DNAH10: variants seen among roughly 807,000 people sequenced by gnomAD.
The protein encoded by DNAH10 is axonemal beta dynein heavy chain 10.
Under a neutral mutation model 506.6 loss-of-function variants are expected in DNAH10, and 348 were observed. The ratio of observed to expected loss-of-function variants is 0.69; its 90% CI spans 0.63 to 0.75. The LOEUF is 0.75. Ranked by LOEUF, DNAH10 falls within the 30% of genes least tolerant of loss-of-function variation. The pLI, the probability that DNAH10 is intolerant of heterozygous loss-of-function variation, is 0.00. For synonymous variants in DNAH10, 2,059 were observed against 2,198.6 expected (o/e 0.94, Z 1.78); for missense variants, 5,179 against 5,787.1 (o/e 0.89, Z 3.41).
rs1181563167 is a variant in DNAH10 at position 123,909,031 on chromosome 12, C to T, written c.9816-230C>T. Among the ~76,000 whole-genome samples the T allele has an allele frequency of 2.0e-5, 3 of 152,212 alleles. No homozygotes were observed. The highest frequency in any genetic ancestry group is 2.0e-4 in the Admixed American group (3 of 15,284). ...GGTTTGTATTTTAATGCTGCCCCCGCACCATTCCAGGCGCCTGGTCTGGAA... is the reference window on the plus strand; with the variant it reads ...GGTTTGTATTTTAATGCTGCCCCCGTACCATTCCAGGCGCCTGGTCTGGAA... On this transcript the variant is annotated intron_variant, in intron 57 of 78. Coordinates refer to ENST00000673944, the MANE Select transcript of DNAH10 (RefSeq NM_001372106.1). This position sits in a 1 kb window ranked among gnomAD's most constrained non-coding sequence, Gnocchi z 5.4.
intron 30 of DNAH10, among the ~76,000 whole-genome samples, chr12:123,844,351 T>C (rs1594172615): frequency 6.6e-6 from 1 of 152,192 alleles, no homozygotes; most frequent in South Asian, 2.1e-4. Context: ...ATCAGGCATT[T>C]ACAGCTCTGA....
At chr12:123,805,547 G>T (rs1193043676) in intron 18 of DNAH10, among the ~76,000 whole-genome samples, 1 of 152,142 alleles carries the variant, frequency 6.6e-6, no homozygotes, top group African/African-American at 2.4e-5. Flanking sequence ...TGAGTGCCTG[G>T]ACCCCATCGC....
rs1951982908 is a variant in DNAH10 at position 123,870,440 on chromosome 12, C to CATTTA, written c.7594_7595insATTTA (p.Pro2532HisfsTer61). 1 of 1,613,614 alleles carries CATTTA rather than the reference C, an allele frequency of 6.2e-7. No individual in the cohort carries two copies. Among genetic ancestry groups the CATTTA allele is most frequent in the Non-Finnish European group, 8.5e-7 (1 of 1,179,844 alleles). On this transcript the variant is annotated frameshift_variant, in exon 44 of 79. Coordinates refer to ENST00000673944, the MANE Select transcript of DNAH10 (RefSeq NM_001372106.1). LOFTEE classifies it high-confidence loss of function. Reference sequence around the variant, plus strand: ...ATGGGTCCCATGGAGTAAATTAGTTCCAGAGTATATTCATGCCCCCGAGAG... The same window carrying CATTTA: ...ATGGGTCCCATGGAGTAAATTAGTTCATTTACAGAGTATATTCATGCCCCCGAGAG...
At chr12:123,822,888 A>C (rs184995378) in intron 24 of DNAH10, among the ~76,000 whole-genome samples, 9 of 152,312 alleles carry the variant, frequency 5.9e-5, no homozygotes, top group African/African-American at 2.2e-4. Context: ...GAGGCCATCC[A>C]TGTTGGGGAG....
intron 39 of DNAH10, 77 bp downstream of exon 39, chr12:123,861,247 C>G (rs1215876947): frequency 1.3e-6 from 2 of 1,518,478 alleles, no homozygotes; most frequent in African/African-American, 2.8e-5. Context: ...GGTGGCAGGA[C>G]TATACATTGT....
At chr12:123,859,049 C>G (rs931225719) in intron 37 of DNAH10, 101 bp from the exon 38 acceptor site, 1 of 1,105,016 alleles carries the variant, frequency 9.0e-7, no homozygotes, top group African/African-American at 1.6e-5. Context: ...TGACTTGTAC[C>G]CTTTCAAAGG....
In DNAH10 at chr12:123,850,093, A is replaced by G. The variant is rs1277614193; in HGVS notation, c.6103-795A>G. Among the ~76,000 whole-genome samples the G allele has an allele frequency of 6.6e-6, 1 of 151,870 alleles. No individual in the cohort carries two copies. Among genetic ancestry groups the G allele is most frequent in the Non-Finnish European group, 1.5e-5 (1 of 67,948 alleles). On this transcript the variant is annotated intron_variant, in intron 34 of 78. Transcript: ENST00000673944. This position sits in a 1 kb window ranked among gnomAD's most constrained non-coding sequence, Gnocchi z 5.5. The stretch of plus-strand genomic sequence containing the variant: ...CTAGGGATGGTCTCAGGGCCGACCT[A>G]TGAGTCAAGGCAGTGGCCTTGTTTT...
intron 33 of DNAH10, 150 bp downstream of exon 33, chr12:123,848,245 G>A (rs1450201302): frequency 2.4e-6 from 3 of 1,232,810 alleles, no homozygotes; most frequent in Non-Finnish European, 3.4e-6. Flanking sequence ...ACCTAAGTGT[G>A]TCTGCTTAAA....
rs762069342 is a variant in DNAH10 at position 123,835,473 on chromosome 12, C to T, written c.4847C>T (p.Ser1616Leu). The T allele has an allele frequency of 2.5e-6, 4 of 1,608,738 alleles. No homozygotes were observed. The highest frequency in any genetic ancestry group is 1.1e-5 in the South Asian group (1 of 89,854). ...ATTTTTATTGGTGGAGATATAAGAT[C>T]ACAACTTCCGGAAGAGGCAAAAAAG... Reference protein sequence around the residue: ...ESIFIGGDIRSQLPEEAKKFD... With the variant: ...ESIFIGGDIRLQLPEEAKKFD... Residue 1616 changes from serine (S) to leucine (L), a missense_variant, in exon 28 of 79, where the codon TCA becomes TTA. By Grantham distance (145) the Ser-to-Leu change is moderately radical (BLOSUM62 -2). Transcript: ENST00000673944.
intron 9 of DNAH10, among the ~76,000 whole-genome samples, chr12:123,786,812 CAG>C (rs1231113306): frequency 6.6e-6 from 1 of 152,064 alleles, no homozygotes; most frequent in East Asian, 1.9e-4. Context: ...CTAAGGGAGA[CAG>C]ATAACTTTTT....
intron 48 of DNAH10, among the ~76,000 whole-genome samples, chr12:123,878,526 T>A (rs1409750737): frequency 1.5e-4 from 23 of 152,176 alleles, no homozygotes; most frequent in Admixed American, 1.5e-3. Context: ...TCCAGGTGTT[T>A]CAGGTGGAGT....
At position 123,925,272 on chromosome 12, in the gene DNAH10, G is replaced by T. The variant is rs1039975201; in HGVS notation, c.11921+68G>T. The T allele has an allele frequency of 6.2e-7, 1 of 1,602,894 alleles. No individual in the cohort carries two copies. The highest frequency in any genetic ancestry group is 8.5e-7 in the Non-Finnish European group (1 of 1,172,284). ...GAATCTCTAGCGTCCTCCCACCTTG[G>T]ACTCAAAGAAAGCAGAGGCTGACCA... On this transcript the variant is annotated intron_variant, in intron 68 of 78. Coordinates refer to ENST00000673944, the MANE Select transcript of DNAH10 (RefSeq NM_001372106.1). The surrounding 1 kb of genome is among the most constrained non-coding windows in gnomAD (Gnocchi z 4.0).
In DNAH10 at chr12:123,845,975, CT is replaced by C; in HGVS notation, c.5636del (p.Leu1879ArgfsTer23). 6.2e-7 allele frequency: 1 copy of C among 1,613,950 alleles called. No homozygotes were observed. Among genetic ancestry groups the C allele is most frequent in the Non-Finnish European group, 8.5e-7 (1 of 1,179,868 alleles). On this transcript the variant is annotated frameshift_variant, in exon 32 of 79. Coordinates refer to ENST00000673944, the MANE Select transcript of DNAH10 (RefSeq NM_001372106.1). LOFTEE classifies it high-confidence loss of function. ...TCCACCTTTCTTGCCGTCCAGTATC[CT>C]GGAGGCCCGAGAGTTTGACTGGGAA... is the stretch of plus-strand genomic sequence containing the variant. ...IVDSFIRGSILEAREFDWESQ... is the reference protein window; with the variant it reads ...IVDSFIRGSIXEAREFDWESQ...
chr12:123,802,747 TA>T (rs1317337504), intron 16 of DNAH10, among the ~76,000 whole-genome samples: 158 of 145,808 alleles, frequency 1.1e-3, no homozygotes, highest in African/African-American at 4.0e-3. Flanking sequence ...TTTTTTTTTT[TA>T]ATTTTGGCCA....
rs1252170577 is a variant in DNAH10, at chr12:123,833,205, G to A, written c.4637G>A (p.Gly1546Asp). Residue 1546 changes from glycine to aspartate, a missense_variant, in exon 27 of 79, where the codon GGT (glycine) becomes GAT (aspartate). This residue lies in a region of DNAH10 where 4,844 missense variants were observed against 5,430.5 expected (regional missense o/e 0.89). Coordinates refer to ENST00000673944, the MANE Select transcript of DNAH10 (RefSeq NM_001372106.1). ...ACACAGGAGCGAGGCTACATCCTGGGTTCTGTTGACGAAATTATTCAGTCT... is the reference window on the plus strand; with the variant it reads ...ACACAGGAGCGAGGCTACATCCTGGATTCTGTTGACGAAATTATTCAGTCT... ...KGTQERGYIL[G>D]SVDEIIQSLD... is the part of the protein sequence containing the mutation. 1.2e-6 allele frequency: 2 copies of A among 1,613,898 alleles called. No homozygotes were observed. The highest frequency in any genetic ancestry group is 2.2e-5 in the South Asian group (2 of 91,018).
At chr12:123,779,857 A>T (rs2136013109) in intron 5 of DNAH10, among the ~76,000 whole-genome samples, 1 of 152,304 alleles carries the variant, frequency 6.6e-6, no homozygotes, top group South Asian at 2.1e-4. Context: ...ATGTATCAAA[A>T]TTTTAAGAAA....
chr12:123,934,659 TG>T lies in DNAH10; in HGVS notation c.13519del (p.Asp4507IlefsTer2). The part of the protein sequence containing the change: ...VSGLYLEGAD[W>X]DIEKGCLIKS... Reference sequence around the variant, plus strand: ...AGGACTGTACCTGGAAGGTGCTGACTGGGATATAGAAAAAGGATGTCTTATC... The same window carrying T: ...AGGACTGTACCTGGAAGGTGCTGACTGGATATAGAAAAAGGATGTCTTATC... On this transcript the variant is annotated frameshift_variant, in exon 78 of 79. Coordinates refer to ENST00000673944, the MANE Select transcript of DNAH10 (RefSeq NM_001372106.1). LOFTEE classifies it high-confidence loss of function. 3 of 1,613,724 alleles carry T rather than the reference TG, an allele frequency of 1.9e-6. No individual in the cohort carries two copies. The highest frequency in any genetic ancestry group is 2.5e-6 in the Non-Finnish European group (3 of 1,179,776).
chr12:123,812,006 G>A (rs538270662), intron 19 of DNAH10, among the ~76,000 whole-genome samples: 1 of 152,116 alleles, frequency 6.6e-6, no homozygotes, highest in Admixed American at 6.5e-5. Flanking sequence ...AGTAGCTGTG[G>A]TTTTTACCAT....
Position 123,919,263 on chromosome 12 carries a change from TG to T in DNAH10, c.11506+318del, listed in dbSNP as rs1288489866. Reference sequence around the variant, plus strand: ...TAAGTTTTTGTATATTTTGTAGAGATGGGGTTTCACTATGTTGCCCAGGCTG... The same window carrying T: ...TAAGTTTTTGTATATTTTGTAGAGATGGGTTTCACTATGTTGCCCAGGCTG... On this transcript the variant is annotated intron_variant, in intron 65 of 78. Coordinates refer to ENST00000673944, the MANE Select transcript of DNAH10 (RefSeq NM_001372106.1). The surrounding 1 kb of genome is among the most constrained non-coding windows in gnomAD (Gnocchi z 4.9). 6.6e-6 allele frequency among the ~76,000 whole-genome samples: 1 copy of T among 151,854 alleles called. No individual in the cohort carries two copies. The highest frequency in any genetic ancestry group is 2.4e-5 in the African/African-American group (1 of 41,314).
Sources: allele counts gnomAD v4.1 joint callset (sites outside exome capture counted in the v4.1 genomes callset), GRCh38; gene constraint gnomAD v4.1.1; regional missense constraint gnomAD v4.1.1; non-coding constraint Gnocchi (gnomAD v3.1); transcripts MANE v1.5; gene names NCBI Gene and HGNC (gene_info 2026-07-23, HGNC 2026-07-21).